The following PGGT1B variants were observed in gnomAD, a reference collection of about 807,000 sequenced individuals.
The protein encoded by PGGT1B is protein geranylgeranyltransferase type I subunit beta, also known as geranylgeranyl transferase type-1 subunit beta.
In PGGT1B, 30 loss-of-function variants were observed where a neutral mutation model predicts 46.1. The ratio of observed to expected loss-of-function variants is 0.65; its 90% CI spans 0.49 to 0.88. PGGT1B has a LOEUF of 0.88. Among genes scored for constraint, PGGT1B ranks in the 40% least tolerant of loss-of-function variants. PGGT1B has a pLI of 0.00. For synonymous variants in PGGT1B, 170 were observed against 160.0 expected, an observed-to-expected ratio of 1.06 and a Z score of -0.47; for missense variants, 376 against 455.9, an observed-to-expected ratio of 0.82 and a Z score of 1.60.
intron 5 of PGGT1B, among the ~76,000 whole-genome samples, chr5:115,234,973 AG>A (rs1483968771): frequency 6.6e-6 from 1 of 152,074 alleles, no homozygotes; most frequent in Non-Finnish European, 1.5e-5. Context: ...GAGCATACTT[AG>A]TACCCAGATT....
chr5:115,221,402 T>C lies in PGGT1B; in HGVS notation c.843+422A>G, dbSNP rs149709484. ...AATAAATAATAAAAAAGTCCTTACA[T>C]GGTTTTTGAAGAAATGACCCATGGT... On this transcript the variant is annotated intron_variant, in intron 7 of 8. Coordinates refer to ENST00000419445, the MANE Select transcript of PGGT1B (RefSeq NM_005023.4). 3.7e-3 allele frequency among the ~76,000 whole-genome samples: 561 copies of C among 152,126 alleles called. 3 individuals carry two copies. The highest frequency in any genetic ancestry group is 0.013 in the African/African-American group (537 of 41,562).
chr5:115,222,216 T>G (rs145575200), intron 6 of PGGT1B, among the ~76,000 whole-genome samples: 165 of 152,304 alleles, frequency 1.1e-3, no homozygotes, highest in African/African-American at 3.8e-3. Flanking sequence ...AAGAAACATT[T>G]TACTTATGAA....
chr5:115,239,096 T>G (rs996361988), intron 3 of PGGT1B, among the ~76,000 whole-genome samples: 17 of 152,078 alleles, frequency 1.1e-4, no homozygotes, highest in Non-Finnish European at 1.8e-4. Flanking sequence ...TGGAGTGCAG[T>G]GGCACAATCT....
chr5:115,252,597 T>A (rs1236419699), intron 2 of PGGT1B, among the ~76,000 whole-genome samples: 1 of 152,062 alleles, frequency 6.6e-6, no homozygotes, highest in African/African-American at 2.4e-5. Context: ...TGCAGTTGAT[T>A]ACGTAATTTA....
intron 1 of PGGT1B, 102 bp downstream of exon 1, chr5:115,262,610 G>T: frequency 7.4e-7 from 1 of 1,345,466 alleles, no homozygotes; most frequent in Non-Finnish European, 1.0e-6. Flanking sequence ...CTGGGCGGCC[G>T]CGCAGCCCCC....
chr5:115,252,141 A>C (rs548839753), intron 2 of PGGT1B, among the ~76,000 whole-genome samples: 15 of 152,080 alleles, frequency 9.9e-5, no homozygotes, highest in East Asian at 1.9e-4. Context: ...CTATTGACCA[A>C]ACTTATACAT....
At chr5:115,258,387 C>T (rs980037445) in intron 1 of PGGT1B, among the ~76,000 whole-genome samples, 2 of 152,204 alleles carry the variant, frequency 1.3e-5, no homozygotes, top group Admixed American at 6.5e-5. Context: ...CATTGGTCTC[C>T]CTGGTTCTGG....
chr5:115,221,364 G>C (rs1447242062), intron 7 of PGGT1B, among the ~76,000 whole-genome samples: 1 of 151,936 alleles, frequency 6.6e-6, no homozygotes, highest in Non-Finnish European at 1.5e-5. Context: ...ATGAGTTTCA[G>C]AAGGTTTAAA....
intron 2 of PGGT1B, among the ~76,000 whole-genome samples, chr5:115,250,991 T>C (rs1266987527): frequency 6.6e-6 from 1 of 152,196 alleles, no homozygotes; most frequent in Non-Finnish European, 1.5e-5. Context: ...TATGCTAATA[T>C]ATCCTTTATC....
intron 7 of PGGT1B, among the ~76,000 whole-genome samples, chr5:115,217,960 T>C (rs931565930): frequency 3.9e-5 from 6 of 151,980 alleles, no homozygotes; most frequent in Non-Finnish European, 5.9e-5. Flanking sequence ...TGTTGATTAC[T>C]GGTTTTTAAA....
chr5:115,262,670 C>A, intron 1 of PGGT1B, 42 bp downstream of exon 1: 1 of 1,568,946 alleles, frequency 6.4e-7, no homozygotes, highest in South Asian at 1.2e-5. Context: ...TCCGCTGGAG[C>A]CCGGGCCTTG....
Position 115,205,195 on chromosome 5 carries a change from C to A in PGGT1B, c.*7207G>T, listed in dbSNP as rs1756026363. 1 of 152,116 alleles carries A rather than the reference C, an allele frequency of 6.6e-6. No individual in the cohort carries two copies. Among genetic ancestry groups the A allele is most frequent in the African/African-American group, 2.4e-5 (1 of 41,450 alleles). The allele number at this position is 152,116 out of a possible 1,614,324, so 9.4% of individuals were successfully genotyped here. A position where few individuals can be genotyped will look rare whatever the true frequency, so the allele number is the denominator to read the frequency against. The stretch of plus-strand genomic sequence containing the variant: ...CTAAATTCATAATCTTTTACTTTTT[C>A]ACAATTTCTCCAGTGAATTGTATGT... On this transcript the variant is annotated 3_prime_UTR_variant, in exon 9 of 9. Transcript: ENST00000419445.
At chr5:115,239,074 C>T (rs1042513016) in intron 3 of PGGT1B, among the ~76,000 whole-genome samples, 5 of 151,832 alleles carry the variant, frequency 3.3e-5, no homozygotes, top group East Asian at 3.9e-4. Context: ...GGCTTTGCTC[C>T]GTCACCCAGG....
chr5:115,217,351 A>G (rs1026698591), intron 7 of PGGT1B, among the ~76,000 whole-genome samples: 1 of 151,666 alleles, frequency 6.6e-6, no homozygotes, highest in African/African-American at 2.4e-5. Flanking sequence ...ATAAACTAGT[A>G]GTAACTGGAA....
chr5:115,227,731 T>A (rs1170669556), intron 6 of PGGT1B, among the ~76,000 whole-genome samples: 1 of 152,230 alleles, frequency 6.6e-6, no homozygotes, highest in Non-Finnish European at 1.5e-5. Flanking sequence ...ATCATATTTC[T>A]ATTACAGCCT....
intron 2 of PGGT1B, among the ~76,000 whole-genome samples, chr5:115,251,926 T>TA (rs1021451280): frequency 1.3e-5 from 2 of 151,998 alleles, no homozygotes; most frequent in East Asian, 1.9e-4. Context: ...CTTAAATTAT[T>TA]AAAAAACATC....
chr5:115,238,844 T>C (rs537386762), intron 3 of PGGT1B, among the ~76,000 whole-genome samples: 3 of 152,306 alleles, frequency 2.0e-5, no homozygotes, highest in African/African-American at 4.8e-5. Flanking sequence ...CTTATCTTAA[T>C]GGTGACTAAG....
At position 115,207,696 on chromosome 5, in the gene PGGT1B, T is replaced by C. The variant is rs950737449; in HGVS notation, c.*4706A>G. 1 of 152,090 alleles carries C rather than the reference T, an allele frequency of 6.6e-6. No homozygotes were observed. Among genetic ancestry groups the C allele is most frequent in the African/African-American group, 2.4e-5 (1 of 41,450 alleles). The allele number at this position is 152,090 out of a possible 1,614,324, so 9.4% of individuals were successfully genotyped here. On this transcript the variant is annotated 3_prime_UTR_variant, in exon 9 of 9. Coordinates refer to ENST00000419445, the MANE Select transcript of PGGT1B (RefSeq NM_005023.4). ...TGTTTAGTTTTTCAACAAGTTCCTT[T>C]GGGCTTTCTAGATACATATTCATAT...
At chr5:115,242,607 G>A (rs1757380161) in intron 2 of PGGT1B, among the ~76,000 whole-genome samples, 2 of 152,044 alleles carry the variant, frequency 1.3e-5, no homozygotes. Context: ...AACAAATTAG[G>A]AACCACTAAA....
Sources: gnomAD v4.1 joint callset for allele counts (sites outside exome capture counted in the v4.1 genomes callset) on GRCh38, gnomAD v4.1.1 for gene constraint, MANE v1.5 for transcripts, NCBI Gene and HGNC (gene_info 2026-07-23, HGNC 2026-07-21) for gene names.